Variants in GADL1 observed in about 807,000 individuals in gnomAD.
GADL1 encodes the protein GAD like acidic amino acid decarboxylase 1, also known as acidic amino acid decarboxylase GADL1.
A neutral mutation model predicts 69.5 loss-of-function variants in GADL1; 71 were observed. The observed-to-expected ratio is 1.02, with a 90% CI of 0.84 to 1.25. GADL1 has a LOEUF of 1.25. GADL1 is among the 50% of genes most tolerant of loss of function. The probability of loss-of-function intolerance (pLI) is 0.00; values close to 1 mark genes in which losing one functional copy is unlikely to be tolerated. For synonymous variants in GADL1, 254 were observed against 214.4 expected, an observed-to-expected ratio of 1.18 and a Z score of -1.62; for missense variants, 737 against 631.8, an observed-to-expected ratio of 1.17 and a Z score of -1.79.
intron 14 of GADL1, among the ~76,000 whole-genome samples, chr3:30,757,209 C>CAT (rs1235886268): frequency 2.0e-5 from 3 of 152,084 alleles, no homozygotes; most frequent in African/African-American, 4.8e-5. Context: ...CCTCCTGGAC[C>CAT]TTCATCAAAT....
intron 11 of GADL1, among the ~76,000 whole-genome samples, chr3:30,829,384 C>G (rs1697748039): frequency 6.6e-6 from 1 of 151,858 alleles, no homozygotes; most frequent in Non-Finnish European, 1.5e-5. Context: ...GATGTCAGGG[C>G]TTTGTAGGTA....
At chr3:30,762,688 A>G (rs1346861092) in intron 14 of GADL1, among the ~76,000 whole-genome samples, 2 of 152,200 alleles carry the variant, frequency 1.3e-5, no homozygotes, top group African/African-American at 2.4e-5. Context: ...TTGTGCAGTC[A>G]TAATAGGTCT....
At chr3:30,762,041 T>TGA (rs1696149104) in intron 14 of GADL1, among the ~76,000 whole-genome samples, 1 of 152,036 alleles carries the variant, frequency 6.6e-6, no homozygotes, top group Non-Finnish European at 1.5e-5. Flanking sequence ...CGTGGGTAGG[T>TGA]GAGAGGTCTG....
chr3:30,812,570 T>G (rs1322628034), intron 11 of GADL1, among the ~76,000 whole-genome samples: 1 of 152,166 alleles, frequency 6.6e-6, no homozygotes, highest in Non-Finnish European at 1.5e-5. Context: ...TACTTCCCAC[T>G]GGGTCCTCCC....
At chr3:30,891,337 A>G (rs1037109039) in intron 1 of GADL1, among the ~76,000 whole-genome samples, 1 of 152,136 alleles carries the variant, frequency 6.6e-6, no homozygotes, top group African/African-American at 2.4e-5. Flanking sequence ...ATCCAGCCCT[A>G]CCATGAGTGC....
intron 12 of GADL1, among the ~76,000 whole-genome samples, chr3:30,792,350 ATTGT>A (rs1208324525): frequency 5.9e-5 from 9 of 152,284 alleles, no homozygotes; most frequent in Middle Eastern, 3.4e-3. Context: ...AGGTGGGCAG[ATTGT>A]TTGAGTCCAG....
chr3:30,733,222 T>C (rs1037373597), intron 14 of GADL1, among the ~76,000 whole-genome samples: 4 of 152,202 alleles, frequency 2.6e-5, no homozygotes, highest in Non-Finnish European at 5.9e-5. Flanking sequence ...GTAAAGCTAA[T>C]CTGTTAAGGT....
intron 1 of GADL1, among the ~76,000 whole-genome samples, chr3:30,879,549 T>C (rs1250857081): frequency 6.6e-6 from 1 of 151,872 alleles, no homozygotes; most frequent in African/African-American, 2.4e-5. Flanking sequence ...TGTTGTTGCT[T>C]ACCATATTTC....
At position 30,844,483 on chromosome 3, in the gene GADL1, A is replaced by G; in HGVS notation, c.652-17T>C. 1.3e-6 allele frequency: 2 copies of G among 1,530,458 alleles called. No individual in the cohort carries two copies. The highest frequency in any genetic ancestry group is 2.2e-5 in the South Asian group (2 of 89,120). 94.8% of individuals were successfully genotyped at this position (1,530,458 alleles called of 1,614,324 possible). A position where few individuals can be genotyped will look rare whatever the true frequency, so the allele number is the denominator to read the frequency against. On this transcript the variant is annotated splice_polypyrimidine_tract_variant and intron_variant, in intron 6 of 14. Coordinates refer to ENST00000282538, the MANE Select transcript of GADL1 (RefSeq NM_207359.3). ...GTAATGACACTGAATTCAAAGGGAC[A>G]GTGGGGAAGGGGGAGACATGAAAAC...
intron 14 of GADL1, among the ~76,000 whole-genome samples, chr3:30,765,239 A>G (rs115927160): frequency 2.0e-3 from 307 of 152,212 alleles, no homozygotes; most frequent in African/African-American, 6.9e-3. Context: ...CACTCATAAG[A>G]AGTGGTGGCT....
At chr3:30,844,187 CCT>C (rs749973667) in intron 8 of GADL1, 21 bp downstream of exon 8, 117 of 1,598,520 alleles carry the variant, frequency 7.3e-5, no homozygotes, top group Non-Finnish European at 1.0e-4. Context: ...GTTCTCTCTC[CCT>C]CTCGCTTTCT....
chr3:30,778,641 T>C (rs1444239702), intron 13 of GADL1: 1 of 163,850 alleles, frequency 6.1e-6, no homozygotes, highest in African/African-American at 2.4e-5. Flanking sequence ...TATACCATCA[T>C]AGGCTTCCAA....
At chr3:30,839,162 T>C in intron 8 of GADL1, 49 bp from the exon 9 acceptor site, 1 of 1,249,334 alleles carries the variant, frequency 8.0e-7, no homozygotes, top group Non-Finnish European at 1.1e-6. Context: ...ATCACTAAAT[T>C]TGTCCTGTAA....
chr3:30,831,864 G>T (rs1444694676), intron 11 of GADL1, among the ~76,000 whole-genome samples: 1 of 151,928 alleles, frequency 6.6e-6, no homozygotes, highest in Non-Finnish European at 1.5e-5. Flanking sequence ...AATCAACAGA[G>T]TCTGACATTT....
chr3:30,751,481 C>T (rs112163762), intron 14 of GADL1, among the ~76,000 whole-genome samples: 4 of 150,758 alleles, frequency 2.7e-5, no homozygotes, highest in Non-Finnish European at 5.9e-5. Flanking sequence ...TTCCGAGAAC[C>T]TGGGTAACTA....
intron 13 of GADL1, chr3:30,779,001 CAG>C (rs978143927): frequency 3.9e-5 from 6 of 152,168 alleles, no homozygotes; most frequent in South Asian, 2.1e-4. Context: ...TATGTTCTAT[CAG>C]AAACTCTCAT....
chr3:30,862,337 C>T (rs950094959), intron 1 of GADL1, among the ~76,000 whole-genome samples: 1 of 151,842 alleles, frequency 6.6e-6, no homozygotes, highest in African/African-American at 2.4e-5. Flanking sequence ...AGGAGAAAGC[C>T]CTTCAGATTT....
intron 14 of GADL1, among the ~76,000 whole-genome samples, chr3:30,764,647 G>A (rs1696226491): frequency 6.6e-6 from 1 of 152,170 alleles, no homozygotes; most frequent in African/African-American, 2.4e-5. Context: ...TATTGTTTGA[G>A]TAGGCAAGTT....
intron 11 of GADL1, among the ~76,000 whole-genome samples, chr3:30,812,009 G>A (rs1415137311): frequency 6.6e-6 from 1 of 152,204 alleles, no homozygotes; most frequent in African/African-American, 2.4e-5. Flanking sequence ...TTACATTCAT[G>A]TTGGGACTAC....
Sources: gnomAD v4.1 joint callset for allele counts (sites outside exome capture counted in the v4.1 genomes callset) on GRCh38, gnomAD v4.1.1 for gene constraint, MANE v1.5 for transcripts, NCBI Gene and HGNC (gene_info 2026-07-23, HGNC 2026-07-21) for gene names.